WDR75: variants seen among roughly 807,000 people sequenced by gnomAD.
WDR75 encodes the protein WD repeat-containing protein 75.
WDR75 carries 52 observed loss-of-function variants against 106.1 expected under a neutral mutation model. That is an observed-to-expected ratio of 0.49 (90% CI 0.39 to 0.62). WDR75 has a LOEUF of 0.62. Ranked by LOEUF, WDR75 falls within the 20% of genes least tolerant of loss-of-function variation. WDR75 has a pLI of 0.00. For synonymous variants in WDR75, 333 were observed against 335.5 expected, an observed-to-expected ratio of 0.99 and a Z score of 0.08; for missense variants, 905 against 970.3, an observed-to-expected ratio of 0.93 and a Z score of 0.89.
rs1686763095 is a variant in WDR75, at chr2:189,457,388, A to G, written c.569+7A>G. On this transcript the variant is annotated splice_region_variant and intron_variant, in intron 6 of 20. Transcript: ENST00000314761. Reference sequence around the variant, plus strand: ...AAAAGAAAACAACATCAAGGTAAGAATTATTTTTTATTAGCTTTATTTTAT... The same window carrying G: ...AAAAGAAAACAACATCAAGGTAAGAGTTATTTTTTATTAGCTTTATTTTAT... The G allele has an allele frequency of 6.0e-6, 9 of 1,507,332 alleles. No individual in the cohort carries two copies. Among genetic ancestry groups the G allele is most frequent in the Non-Finnish European group, 8.3e-6 (9 of 1,088,962 alleles). The allele number at this position is 1,507,332 out of a possible 1,614,324, so 93.4% of individuals were successfully genotyped here.
chr2:189,463,280 A>G (rs1444470543), intron 9 of WDR75, among the ~76,000 whole-genome samples: 2 of 152,152 alleles, frequency 1.3e-5, no homozygotes, highest in African/African-American at 2.4e-5. Flanking sequence ...ATAAAAACTT[A>G]AAGACTCCAA....
chr2:189,467,699 C>T (rs1474034884), intron 14 of WDR75, 51 bp downstream of exon 14: 1 of 1,471,464 alleles, frequency 6.8e-7, no homozygotes, highest in Non-Finnish European at 9.0e-7. Context: ...CTTATTTAAA[C>T]AAGTCTTAAA....
At chr2:189,467,295 C>T (rs972272877) in intron 13 of WDR75, among the ~76,000 whole-genome samples, 173 bp from the exon 14 acceptor site, 3 of 152,154 alleles carry the variant, frequency 2.0e-5, no homozygotes, top group Non-Finnish European at 2.9e-5. Flanking sequence ...GCCTTTCTCT[C>T]TCTTTCAAAA....
chr2:189,454,717 G>A (rs1006976799), intron 4 of WDR75, among the ~76,000 whole-genome samples: 2 of 151,796 alleles, frequency 1.3e-5, no homozygotes, highest in African/African-American at 4.8e-5. Flanking sequence ...TAGAGACAGG[G>A]TTTCACCGTG....
chr2:189,456,012 A>C (rs1473674890), intron 5 of WDR75, among the ~76,000 whole-genome samples: 1 of 152,144 alleles, frequency 6.6e-6, no homozygotes, highest in Non-Finnish European at 1.5e-5. Context: ...TTACTTTACT[A>C]TTTTAAAATC....
rs995221581 is a variant in WDR75, at chr2:189,466,713, T to C, written c.1447+131T>C. The C allele has an allele frequency of 1.1e-5, 10 of 914,798 alleles. No individual in the cohort carries two copies. The African/African-American group carries it at 1.5e-4, about 14-fold the overall frequency. 56.7% of individuals were successfully genotyped at this position (914,798 alleles called of 1,614,324 possible). ...AATTCTACAGGATATTGCTTAATCT[T>C]AATAGATTTAAGAGATTACATTTTA... On this transcript the variant is annotated intron_variant, in intron 13 of 20. Coordinates refer to ENST00000314761, the MANE Select transcript of WDR75 (RefSeq NM_032168.3).
chr2:189,442,442 C>CTTTTTTT (rs1188214718), intron 1 of WDR75, among the ~76,000 whole-genome samples: 850 of 73,934 alleles, frequency 0.011, 212 homozygotes, highest in Middle Eastern at 0.017. Flanking sequence ...CCACAATATT[C>CTTTTTTT]TTTTTTTTTT....
At chr2:189,445,103 C>T (rs896654054) in intron 1 of WDR75, among the ~76,000 whole-genome samples, 1 of 152,156 alleles carries the variant, frequency 6.6e-6, no homozygotes, top group Non-Finnish European at 1.5e-5. Context: ...GCTGTGTATG[C>T]TAAGCTTGTA....
chr2:189,442,065 TACGCTAAG>T (rs1477128377), intron 1 of WDR75, among the ~76,000 whole-genome samples: 6 of 152,316 alleles, frequency 3.9e-5, no homozygotes, highest in Non-Finnish European at 8.8e-5. Flanking sequence ...GAGATAAAAA[TACGCTAAG>T]ACTTGGTCTC....
At chr2:189,474,967 C>T (rs575484450) in intron 20 of WDR75, among the ~76,000 whole-genome samples, 159 bp downstream of exon 20, 1 of 152,262 alleles carries the variant, frequency 6.6e-6, no homozygotes, top group South Asian at 2.1e-4. Context: ...AAGTAACATA[C>T]ATTGAAAATA....
intron 4 of WDR75, among the ~76,000 whole-genome samples, chr2:189,454,767 C>T (rs1686698568): frequency 6.6e-6 from 1 of 152,098 alleles, no homozygotes; most frequent in East Asian, 1.9e-4. Flanking sequence ...TTGTGATCCA[C>T]CCGCCTCGGC....
intron 3 of WDR75, 78 bp from the exon 4 acceptor site, chr2:189,451,727 A>G (rs1172578873): frequency 7.5e-7 from 1 of 1,333,682 alleles, no homozygotes; most frequent in Non-Finnish European, 1.1e-6. Context: ...AAAATACATA[A>G]AAACCCCTGC....
At chr2:189,472,554 G>A (rs1473143246) in intron 18 of WDR75, among the ~76,000 whole-genome samples, 1 of 151,012 alleles carries the variant, frequency 6.6e-6, no homozygotes, top group Admixed American at 6.6e-5. Context: ...CTTTTTCATG[G>A]TCTGTTTCCA....
intron 2 of WDR75, chr2:189,449,582 C>T: frequency 9.6e-7 from 1 of 1,041,516 alleles, no homozygotes; most frequent in Non-Finnish European, 1.2e-6. Context: ...TTTCGGATGA[C>T]TGAAAGTGAG....
chr2:189,451,729 A>T, intron 3 of WDR75, 76 bp from the exon 4 acceptor site: 1 of 1,341,166 alleles, frequency 7.5e-7, no homozygotes, highest in Non-Finnish European at 1.1e-6. Context: ...AATACATAAA[A>T]ACCCCTGCCT....
intron 2 of WDR75, chr2:189,449,704 A>ATGTG (rs774912122): frequency 1.0e-6 from 1 of 989,138 alleles, no homozygotes; most frequent in Non-Finnish European, 1.2e-6. Context: ...CAGTAATTAT[A>ATGTG]TGTTTGACTT....
chr2:189,472,947 G>A (rs528470180), intron 18 of WDR75, among the ~76,000 whole-genome samples: 23 of 152,098 alleles, frequency 1.5e-4, no homozygotes, highest in Non-Finnish European at 2.9e-4. Context: ...GGCCGGGCAC[G>A]GTGGTTCTTG....
chr2:189,449,129 A>G (rs1686563070), intron 2 of WDR75: 4 of 655,550 alleles, frequency 6.1e-6, no homozygotes, highest in South Asian at 5.2e-5. Context: ...ATTTAAGAAT[A>G]ATGAAATGGT....
chr2:189,456,203 G>A (rs1686731841), intron 5 of WDR75, among the ~76,000 whole-genome samples: 2 of 152,086 alleles, frequency 1.3e-5, no homozygotes, highest in Non-Finnish European at 2.9e-5. Context: ...AATTAAAACC[G>A]TAGCAACATA....
Sources: allele counts gnomAD v4.1 joint callset (sites outside exome capture counted in the v4.1 genomes callset), GRCh38; gene constraint gnomAD v4.1.1; transcripts MANE v1.5; gene names NCBI Gene and HGNC (gene_info 2026-07-23, HGNC 2026-07-21).